The following RAB38 variants were observed in gnomAD, a reference collection of about 807,000 sequenced individuals.
RAB38 encodes the protein ras-related protein Rab-38.
A neutral mutation model predicts 18.4 loss-of-function variants in RAB38; 15 were observed. The ratio of observed to expected loss-of-function variants is 0.82; its 90% confidence interval spans 0.55 to 1.26. The LOEUF is 1.26. Among genes scored for constraint, RAB38 ranks in the 50% most tolerant of loss-of-function variants. The probability of loss-of-function intolerance (pLI) is 0.00; values close to 1 mark genes in which losing one functional copy is unlikely to be tolerated. For synonymous variants in RAB38, 101 were observed against 104.4 expected (o/e 0.97, Z 0.20); for missense variants, 294 against 267.4 (o/e 1.10, Z -0.69).
At chr11:88,031,626 A>G in the RAB38 span, among the ~76,000 whole-genome samples, 1 of 151,872 alleles carries the variant, frequency 6.6e-6, no homozygotes, top group African/African-American at 2.4e-5. Context: ...ACTCCTATTC[A>G]CAATTGCTTC....
the RAB38 span, among the ~76,000 whole-genome samples, chr11:87,862,383 G>A: frequency 6.6e-6 from 1 of 151,758 alleles, no homozygotes; most frequent in Non-Finnish European, 1.5e-5. Context: ...GGTGGAGGCC[G>A]TTATCCTTAG....
Position 88,114,038 on chromosome 11 carries a change from G to A in RAB38, c.586C>T (p.His196Tyr), listed in dbSNP as rs115475721. The change falls in exon 3 of 3, where the codon CAT becomes TAT. Residue 196 changes from histidine to tyrosine, a missense_variant. By Grantham distance (83) the His-to-Tyr change is moderately conservative. Coordinates refer to ENST00000243662, the MANE Select transcript of RAB38 (RefSeq NM_022337.3). Reference protein sequence around the residue: ...ESIEPDVVKPHLTSTKVASCS... With the variant: ...ESIEPDVVKPYLTSTKVASCS... ...CTGGCAACCTTGGTTGATGTGAGATGGGGCTTCACGACGTCCGGCTCAATA... is the reference window on the plus strand; with the variant it reads ...CTGGCAACCTTGGTTGATGTGAGATAGGGCTTCACGACGTCCGGCTCAATA... 2,666 of 1,614,128 alleles carry A rather than the reference G, an allele frequency of 1.7e-3. 12 individuals carry two copies. The highest frequency in any genetic ancestry group is 2.0e-3 in the Non-Finnish European group (2,353 of 1,180,018).
the RAB38 span, among the ~76,000 whole-genome samples, chr11:88,095,843 G>T: frequency 6.6e-6 from 1 of 151,778 alleles, no homozygotes; most frequent in Non-Finnish European, 1.5e-5. Context: ...ACTTTGGATT[G>T]CCCTTAATTC....
Position 88,175,287 on chromosome 11 carries a change from T to C in RAB38, c.98A>G (p.Asn33Ser), listed in dbSNP as rs376421351. 62 of 1,613,910 alleles carry C rather than the reference T, an allele frequency of 3.8e-5. No homozygotes were observed. The African/African-American group carries it at 8.1e-4, about 21-fold the overall frequency. Residue 33 changes from asparagine to serine, a missense_variant, in exon 1 of 3, where the codon AAC becomes AGC. Transcript: ENST00000243662. ...TGTGGCCCGGTAGTGCGAAGAGAAG[T>C]TCTGGTGCACGTAGCGCTTGATGAT... Reference protein sequence around the residue: ...TSIIKRYVHQNFSSHYRATIG... With the variant: ...TSIIKRYVHQSFSSHYRATIG...
the RAB38 span, among the ~76,000 whole-genome samples, chr11:87,947,525 T>A: frequency 6.6e-6 from 1 of 152,220 alleles, no homozygotes; most frequent in Non-Finnish European, 1.5e-5. Context: ...GTTTCAGGTC[T>A]AACATTTAAG....
the RAB38 span, among the ~76,000 whole-genome samples, chr11:87,849,482 A>C: frequency 6.6e-6 from 1 of 152,116 alleles, no homozygotes; most frequent in African/African-American, 2.4e-5. Context: ...TGTCACACAG[A>C]CAGAACTGTT....
chr11:87,950,939 C>G, the RAB38 span, among the ~76,000 whole-genome samples: 11 of 152,152 alleles, frequency 7.2e-5, no homozygotes, highest in African/African-American at 2.4e-4. Flanking sequence ...GCCTGCCTTG[C>G]TAGATTGGGG....
the RAB38 span, among the ~76,000 whole-genome samples, chr11:87,955,074 C>G: frequency 6.6e-6 from 1 of 152,104 alleles, no homozygotes; most frequent in African/African-American, 2.4e-5. Flanking sequence ...ATAGTGGGAG[C>G]TGCAAAGCAG....
chr11:87,840,921 G>T, the RAB38 span, among the ~76,000 whole-genome samples: 1 of 152,098 alleles, frequency 6.6e-6, no homozygotes, highest in African/African-American at 2.4e-5. Context: ...GTAGAGCATA[G>T]TGATTAAAGT....
chr11:88,172,925 G>A (rs943584723), intron 1 of RAB38, among the ~76,000 whole-genome samples: 5 of 152,160 alleles, frequency 3.3e-5, no homozygotes, highest in Admixed American at 2.0e-4. Context: ...TAGAGCTCTG[G>A]GAAAAACAAG....
At chr11:88,170,166 A>G (rs1943292410) in intron 1 of RAB38, among the ~76,000 whole-genome samples, 1 of 152,146 alleles carries the variant, frequency 6.6e-6, no homozygotes, top group Admixed American at 6.6e-5. Context: ...TCCTACTTTG[A>G]AAGTTCACCA....
chr11:88,102,432 T>G, the RAB38 span, among the ~76,000 whole-genome samples: 1 of 152,002 alleles, frequency 6.6e-6, no homozygotes, highest in African/African-American at 2.4e-5. Context: ...CAAAGGAATA[T>G]GGGCAATACT....
chr11:88,174,290 T>G (rs1343591215), intron 1 of RAB38, among the ~76,000 whole-genome samples: 1 of 152,116 alleles, frequency 6.6e-6, no homozygotes, highest in Non-Finnish European at 1.5e-5. Flanking sequence ...GGATTCACAC[T>G]TGGAGTAGAT....
chr11:87,854,048 G>T, the RAB38 span, among the ~76,000 whole-genome samples: 1 of 152,070 alleles, frequency 6.6e-6, no homozygotes, highest in African/African-American at 2.4e-5. Context: ...AGGTTTATTT[G>T]TTAGATTGGG....
chr11:87,977,355 T>G, the RAB38 span, among the ~76,000 whole-genome samples: 1 of 114,518 alleles, frequency 8.7e-6, no homozygotes, highest in Admixed American at 1.0e-4. Context: ...ATATATTATA[T>G]AAGTATATTA....
At chr11:88,124,394 C>G (rs773425924) in intron 2 of RAB38, among the ~76,000 whole-genome samples, 17 of 152,102 alleles carry the variant, frequency 1.1e-4, no homozygotes, top group Non-Finnish European at 2.4e-4. Flanking sequence ...GGCTAATATC[C>G]AGAATCTACA....
intron 1 of RAB38, chr11:88,166,723 T>C (rs1161189426): frequency 6.6e-6 from 1 of 152,156 alleles, no homozygotes; most frequent in Non-Finnish European, 1.5e-5. Flanking sequence ...CTTTTAAGAA[T>C]GGTATTTAAG....
chr11:88,061,505 A>T, the RAB38 span, among the ~76,000 whole-genome samples: 1 of 152,280 alleles, frequency 6.6e-6, no homozygotes, highest in Non-Finnish European at 1.5e-5. Context: ...TTCAATGATC[A>T]TTTAAGAATC....
At chr11:88,082,481 T>C in the RAB38 span, among the ~76,000 whole-genome samples, 3 of 151,944 alleles carry the variant, frequency 2.0e-5, no homozygotes, top group South Asian at 6.2e-4. Context: ...AGATATCTAA[T>C]AGGAACCTCA....
Sources: gnomAD v4.1 joint callset for allele counts (sites outside exome capture counted in the v4.1 genomes callset) on GRCh38, gnomAD v4.1.1 for gene constraint, MANE v1.5 for transcripts, NCBI Gene and HGNC (gene_info 2026-07-23, HGNC 2026-07-21) for gene names.